PPP2CA: variants seen among roughly 807,000 people sequenced by gnomAD.
PPP2CA encodes serine/threonine-protein phosphatase 2A catalytic subunit alpha isoform.
In PPP2CA, 5 loss-of-function variants were observed where a neutral mutation model predicts 38.8. The observed-to-expected ratio is 0.13, with a 90% CI of 0.07 to 0.27. PPP2CA has a LOEUF of 0.27. Ranked by LOEUF, PPP2CA falls within the 10% of genes least tolerant of loss-of-function variation. PPP2CA has a pLI of 1.00. For synonymous variants in PPP2CA, 152 were observed against 134.0 expected (o/e 1.13, Z -0.93); for missense variants, 88 against 389.7 (o/e 0.23, Z 6.52).
rs1476553483 is a variant in PPP2CA at position 134,207,112 on chromosome 5, C to T, written c.103-981G>A. ...GCAATCTTAGCTGCACATTAAAAAT[C>T]CCAATGCCCAGCCAGGCGCGGTGGC... On this transcript the variant is annotated intron_variant, in intron 1 of 6. Coordinates refer to ENST00000481195, the MANE Select transcript of PPP2CA (RefSeq NM_002715.4). Among the ~76,000 whole-genome samples, 4 of 152,294 alleles carry T rather than the reference C, an allele frequency of 2.6e-5. No individual in the cohort carries two copies. The East Asian group carries it at 5.8e-4, about 22-fold the overall frequency.
At chr5:134,202,674 T>C (rs1341262685) in intron 2 of PPP2CA, among the ~76,000 whole-genome samples, 1 of 152,234 alleles carries the variant, frequency 6.6e-6, no homozygotes, top group African/African-American at 2.4e-5. Context: ...CTACTATGAA[T>C]AATGTTGCTA....
chr5:134,221,125 C>CG (rs368967601), intron 1 of PPP2CA, among the ~76,000 whole-genome samples: 76 of 151,684 alleles, frequency 5.0e-4, no homozygotes, highest in Non-Finnish European at 8.1e-4. Flanking sequence ...TTTTTGGGGC[C>CG]GGGGGGAATG....
In PPP2CA at chr5:134,225,822, T is replaced by G; in HGVS notation, c.40A>C (p.Ile14Leu). 1 of 1,610,628 alleles carries G rather than the reference T, an allele frequency of 6.2e-7. No homozygotes were observed. Among genetic ancestry groups the G allele is most frequent in the Non-Finnish European group, 8.5e-7 (1 of 1,179,136 alleles). The change falls in exon 1 of 7, where the codon ATC becomes CTC. Residue 14 changes from isoleucine (I) to leucine (L), a missense_variant. By Grantham distance (5) the Ile-to-Leu change is conservative. This residue lies in a region of PPP2CA where 34 missense variants were observed against 57.1 expected (regional missense o/e 0.60). Coordinates refer to ENST00000481195, the MANE Select transcript of PPP2CA (RefSeq NM_002715.4). The part of the protein sequence containing the change: ...KVFTKELDQW[I>L]EQLNECKQLS... ...TGCTTGCACTCGTTCAGCTGCTCGA[T>G]CCACTGGTCCAGCTCCTTGGTGAAC...
intron 1 of PPP2CA, among the ~76,000 whole-genome samples, chr5:134,221,954 T>A (rs1762454021): frequency 1.5e-5 from 2 of 130,480 alleles, no homozygotes; most frequent in Non-Finnish European, 3.2e-5. Flanking sequence ...GGCAAAAGAG[T>A]AAGACCTTAT....
At chr5:134,200,097 G>GT (rs2149382907) in intron 5 of PPP2CA, among the ~76,000 whole-genome samples, 1 of 152,162 alleles carries the variant, frequency 6.6e-6, no homozygotes, top group African/African-American at 2.4e-5. Flanking sequence ...TAAATCTCAA[G>GT]TACTTCCTAG....
chr5:134,218,843 G>C (rs530137187), intron 1 of PPP2CA, among the ~76,000 whole-genome samples: 3 of 152,076 alleles, frequency 2.0e-5, no homozygotes, highest in Non-Finnish European at 4.4e-5. Context: ...TAAATTTTTT[G>C]TATTTTTAGT....
At chr5:134,223,593 A>G (rs1762494171) in intron 1 of PPP2CA, among the ~76,000 whole-genome samples, 1 of 152,206 alleles carries the variant, frequency 6.6e-6, no homozygotes, top group Admixed American at 6.5e-5. Flanking sequence ...TAAGCAGCGC[A>G]AGCAATGGAG....
At chr5:134,225,126 C>A (rs1762538721) in intron 1 of PPP2CA, among the ~76,000 whole-genome samples, 1 of 152,168 alleles carries the variant, frequency 6.6e-6, no homozygotes, top group Non-Finnish European at 1.5e-5. Flanking sequence ...ATAAGTTACA[C>A]TCCTCCCTTA....
rs1761865446 is a variant in PPP2CA at position 134,196,974 on chromosome 5, C to T, written c.*798G>A. Reference sequence around the variant, plus strand: ...GAGTTACCAGAGAGGTTATGTAGTGCCCTTGATTTTTATTTTACCTACAAG... The same window carrying T: ...GAGTTACCAGAGAGGTTATGTAGTGTCCTTGATTTTTATTTTACCTACAAG... On this transcript the variant is annotated 3_prime_UTR_variant, in exon 7 of 7. Coordinates refer to ENST00000481195, the MANE Select transcript of PPP2CA (RefSeq NM_002715.4). 1.3e-5 allele frequency: 2 copies of T among 152,534 alleles called. No individual in the cohort carries two copies. The highest frequency in any genetic ancestry group is 1.3e-4 in the Admixed American group (2 of 15,270). 9.4% of individuals were successfully genotyped at this position (152,534 alleles called of 1,614,324 possible).
intron 1 of PPP2CA, among the ~76,000 whole-genome samples, chr5:134,217,414 C>T (rs2149387668): frequency 6.6e-6 from 1 of 152,176 alleles, no homozygotes; most frequent in Non-Finnish European, 1.5e-5. Context: ...ATAGAAGAAA[C>T]ACTGGAAAAA....
chr5:134,202,083 G>T, intron 2 of PPP2CA, 62 bp from the exon 3 acceptor site: 1 of 1,477,828 alleles, frequency 6.8e-7, no homozygotes, highest in South Asian at 1.3e-5. Flanking sequence ...GAAAATTCAA[G>T]AAACTTTCTA....
rs1329848123 is a variant in PPP2CA at position 134,205,958 on chromosome 5, A to G, written c.276T>C (p.Tyr92=). ...CAAGCAGTGTAACTGTTTCAACTGA[A>G]TAATATCCTCTGTCAACATAATCTC... ...FMGDYVDRGY[Y]SVETVTLLVA... is the part of the protein sequence containing the mutation. The change falls in exon 2 of 7, where the codon TAT becomes TAC. Residue 92 remains tyrosine (Y), a synonymous_variant. Transcript: ENST00000481195. 9 of 1,613,982 alleles carry G rather than the reference A, an allele frequency of 5.6e-6. No homozygotes were observed. Among genetic ancestry groups the G allele is most frequent in the Non-Finnish European group, 7.6e-6 (9 of 1,179,976 alleles).
chr5:134,222,753 G>C (rs1262757890), intron 1 of PPP2CA, among the ~76,000 whole-genome samples: 2 of 152,192 alleles, frequency 1.3e-5, no homozygotes, highest in Non-Finnish European at 2.9e-5. Flanking sequence ...GCTGATTATA[G>C]AACTGAGCCT....
chr5:134,211,342 A>G (rs1042293783), intron 1 of PPP2CA, among the ~76,000 whole-genome samples: 8 of 152,212 alleles, frequency 5.3e-5, no homozygotes, highest in Admixed American at 2.0e-4. Flanking sequence ...ATAATCAGCT[A>G]TAAGATAAAT....
intron 6 of PPP2CA, among the ~76,000 whole-genome samples, chr5:134,198,844 G>T (rs1049429545): frequency 4.6e-5 from 7 of 152,166 alleles, no homozygotes; most frequent in Admixed American, 1.3e-4. Context: ...TTACAGGCAT[G>T]AGCCACCGCG....
chr5:134,223,100 AGAAG>A (rs770306370), intron 1 of PPP2CA, among the ~76,000 whole-genome samples: 1 of 152,236 alleles, frequency 6.6e-6, no homozygotes, highest in Non-Finnish European at 1.5e-5. Flanking sequence ...TTAGGTGGGT[AGAAG>A]GAAGGCTTTT....
intron 1 of PPP2CA, among the ~76,000 whole-genome samples, chr5:134,208,101 A>C (rs1398297092): frequency 6.6e-6 from 1 of 152,254 alleles, no homozygotes; most frequent in Admixed American, 6.5e-5. Context: ...AAAGTTATTC[A>C]GAAGTTTTAA....
At chr5:134,204,564 G>C (rs1345257060) in intron 2 of PPP2CA, among the ~76,000 whole-genome samples, 1 of 152,214 alleles carries the variant, frequency 6.6e-6, no homozygotes, top group East Asian at 1.9e-4. Context: ...AGGTTCAAGT[G>C]ATCCTCCCAC....
chr5:134,210,163 T>C (rs931801926), intron 1 of PPP2CA, among the ~76,000 whole-genome samples: 2 of 152,030 alleles, frequency 1.3e-5, no homozygotes, highest in Non-Finnish European at 2.9e-5. Context: ...CACAAGGACT[T>C]AGGCCTTATA....
Sources: gnomAD v4.1 joint callset for allele counts (sites outside exome capture counted in the v4.1 genomes callset) on GRCh38, gnomAD v4.1.1 for gene constraint, gnomAD v4.1.1 regional missense constraint, MANE v1.5 for transcripts, NCBI Gene and HGNC (gene_info 2026-07-23, HGNC 2026-07-21) for gene names.